Variants in VSNL1 observed in about 807,000 individuals in gnomAD.
The protein encoded by VSNL1 is visinin-like protein 1.
A neutral mutation model predicts 20.4 loss-of-function variants in VSNL1; 6 were observed. The observed-to-expected ratio is 0.29, with a 90% CI of 0.16 to 0.58. The LOEUF (loss-of-function observed/expected upper bound fraction) is 0.58. Among genes scored for constraint, VSNL1 ranks in the 20% least tolerant of loss-of-function variants. The pLI, the probability that VSNL1 is intolerant of heterozygous loss-of-function variation, is 0.90. For missense variants in VSNL1, 100 were observed against 234.5 expected (o/e 0.43, Z 3.75); for synonymous variants, 93 against 86.4 (o/e 1.08, Z -0.42).
intron 1 of VSNL1, among the ~76,000 whole-genome samples, chr2:17,574,205 C>T (rs905974232): frequency 1.3e-4 from 20 of 151,822 alleles, no homozygotes; most frequent in Admixed American, 1.3e-3. Flanking sequence ...TCTTTGATCC[C>T]CCCCCACCCT....
Position 17,592,661 on chromosome 2 carries a change from T to C in VSNL1, c.162+425T>C, listed in dbSNP as rs900455826. 2.4e-3 allele frequency among the ~76,000 whole-genome samples: 296 copies of C among 125,804 alleles called. 12 individuals carry two copies. In the East Asian group the frequency reaches 0.037, roughly 16 times the overall value. The allele number at this position is 125,804 out of a possible 152,430, so 82.5% of individuals were successfully genotyped here. ...CTCTCTTTTTTTTTTTTTTTTTTTT[T>C]TTTTTTTTTTTTTTTTTTACCAGAA... On this transcript the variant is annotated intron_variant, in intron 2 of 3. Coordinates refer to ENST00000295156, the MANE Select transcript of VSNL1 (RefSeq NM_003385.5).
At chr2:17,584,966 T>C (rs1000895689) in intron 1 of VSNL1, among the ~76,000 whole-genome samples, 1 of 152,198 alleles carries the variant, frequency 6.6e-6, no homozygotes, top group Non-Finnish European at 1.5e-5. Flanking sequence ...TTCAGGTGTT[T>C]ACTATACTTT....
intron 3 of VSNL1, among the ~76,000 whole-genome samples, chr2:17,654,071 T>C (rs942434673): frequency 3.3e-5 from 5 of 152,218 alleles, no homozygotes; most frequent in Admixed American, 1.3e-4. Context: ...ATAGTATATA[T>C]TTTTTTACCG....
intron 2 of VSNL1, among the ~76,000 whole-genome samples, chr2:17,598,399 G>A (rs753173254): frequency 2.6e-5 from 4 of 152,212 alleles, no homozygotes; most frequent in Admixed American, 6.5e-5. Flanking sequence ...CTATGTAGGT[G>A]GCTTTCAAAC....
intron 1 of VSNL1, among the ~76,000 whole-genome samples, chr2:17,545,375 A>G (rs1663384136): frequency 6.6e-6 from 1 of 152,092 alleles, no homozygotes; most frequent in Admixed American, 6.5e-5. Context: ...TAATACCTCT[A>G]AGAGTGCTTT....
chr2:17,644,385 C>A (rs909282286), intron 2 of VSNL1, among the ~76,000 whole-genome samples: 3 of 152,156 alleles, frequency 2.0e-5, no homozygotes, highest in African/African-American at 7.2e-5. Context: ...TGGTGGTTCC[C>A]ACAGAAGGTA....
intron 2 of VSNL1, among the ~76,000 whole-genome samples, chr2:17,633,348 CAAAAAAAAAAAA>C (rs10706048): frequency 2.0e-5 from 1 of 50,538 alleles, no homozygotes; most frequent in Non-Finnish European, 3.7e-5. Flanking sequence ...ACTAAAAATA[CAAAAAAAAAAAA>C]AAAAAAAAAA....
chr2:17,552,319 A>G (rs1663563890), intron 1 of VSNL1, among the ~76,000 whole-genome samples: 1 of 151,862 alleles, frequency 6.6e-6, no homozygotes, highest in African/African-American at 2.4e-5. Context: ...GCTTCATTTT[A>G]TGACTGAGAA....
At chr2:17,564,793 C>G (rs1256745381) in intron 1 of VSNL1, among the ~76,000 whole-genome samples, 2 of 152,090 alleles carry the variant, frequency 1.3e-5, no homozygotes, top group Admixed American at 1.3e-4. Context: ...TGGAGTCGGA[C>G]AAGTAAACAA....
intron 2 of VSNL1, among the ~76,000 whole-genome samples, chr2:17,601,030 T>C (rs900353108): frequency 3.9e-5 from 6 of 152,224 alleles, no homozygotes; most frequent in Non-Finnish European, 7.3e-5. Context: ...GAAGTTATTT[T>C]GGATGGCTTC....
intron 1 of VSNL1, among the ~76,000 whole-genome samples, chr2:17,552,695 A>C (rs1394261735): frequency 6.6e-6 from 1 of 152,202 alleles, no homozygotes; most frequent in Admixed American, 6.5e-5. Context: ...ATATCATCAA[A>C]TATAAAGCCA....
chr2:17,608,127 T>G (rs1664990297), intron 2 of VSNL1, among the ~76,000 whole-genome samples: 1 of 152,206 alleles, frequency 6.6e-6, no homozygotes, highest in South Asian at 2.1e-4. Flanking sequence ...ATTAGGCTGC[T>G]TATGTTGGAG....
chr2:17,562,693 C>T (rs913653439), intron 1 of VSNL1, among the ~76,000 whole-genome samples: 1 of 152,166 alleles, frequency 6.6e-6, no homozygotes, highest in Admixed American at 6.5e-5. Flanking sequence ...TAAGGATAAA[C>T]ATCAGAACTA....
At chr2:17,613,722 C>T (rs908942066) in intron 2 of VSNL1, among the ~76,000 whole-genome samples, 2 of 152,182 alleles carry the variant, frequency 1.3e-5, no homozygotes, top group Admixed American at 1.3e-4. Context: ...GCTGCACAGA[C>T]CCACTGGTCC....
chr2:17,589,092 G>T (rs1394183149), intron 1 of VSNL1, among the ~76,000 whole-genome samples: 1 of 152,128 alleles, frequency 6.6e-6, no homozygotes, highest in Non-Finnish European at 1.5e-5. Flanking sequence ...GTCCACGAAG[G>T]TTTCATGGAG....
At chr2:17,566,026 C>T (rs1037796601) in intron 1 of VSNL1, among the ~76,000 whole-genome samples, 1 of 152,192 alleles carries the variant, frequency 6.6e-6, no homozygotes, top group Non-Finnish European at 1.5e-5. Context: ...CCTCCCCAGC[C>T]ATGCTGAACT....
At chr2:17,586,402 A>G (rs1030938927) in intron 1 of VSNL1, among the ~76,000 whole-genome samples, 3 of 151,256 alleles carry the variant, frequency 2.0e-5, no homozygotes, top group Admixed American at 2.0e-4. Flanking sequence ...TCTTGTATTC[A>G]GACAAGTTTA....
chr2:17,580,488 A>G (rs975104792), intron 1 of VSNL1, among the ~76,000 whole-genome samples: 1 of 152,192 alleles, frequency 6.6e-6, no homozygotes, highest in African/African-American at 2.4e-5. Context: ...GTGCTTTGAC[A>G]GGTTCATGGG....
chr2:17,600,447 G>A (rs1242436314), intron 2 of VSNL1, among the ~76,000 whole-genome samples: 2 of 152,182 alleles, frequency 1.3e-5, no homozygotes, highest in East Asian at 3.9e-4. Flanking sequence ...TTATTGGGCT[G>A]TGGCATCAAG....
Sources: allele counts gnomAD v4.1 joint callset (sites outside exome capture counted in the v4.1 genomes callset), GRCh38; gene constraint gnomAD v4.1.1; transcripts MANE v1.5; gene names NCBI Gene and HGNC (gene_info 2026-07-23, HGNC 2026-07-21).